SORCS1: variants seen among roughly 807,000 people sequenced by gnomAD.
SORCS1 encodes the protein sortilin related VPS10 domain containing receptor 1.
SORCS1 carries 60 observed loss-of-function variants against 146.1 expected under a neutral mutation model. That is an observed-to-expected ratio of 0.41 (90% CI 0.33 to 0.51). SORCS1 has a LOEUF of 0.51. Among genes scored for constraint, SORCS1 ranks in the 20% least tolerant of loss-of-function variants. The pLI, the probability that SORCS1 is intolerant of heterozygous loss-of-function variation, is 0.21. For missense variants in SORCS1, 1,352 were observed against 1,487.6 expected (o/e 0.91, Z 1.50); for synonymous variants, 637 against 584.0 (o/e 1.09, Z -1.31).
At chr10:106,882,668 CACACACACACAT>C (rs1415929050) in intron 2 of SORCS1, among the ~76,000 whole-genome samples, 2 of 152,102 alleles carry the variant, frequency 1.3e-5, no homozygotes, top group Non-Finnish European at 2.9e-5. Context: ...CACTCACACT[CACACACACACAT>C]ACACACACAA....
chr10:107,023,442 C>A (rs1958244338), intron 1 of SORCS1, among the ~76,000 whole-genome samples: 1 of 152,146 alleles, frequency 6.6e-6, no homozygotes, highest in Non-Finnish European at 1.5e-5. Context: ...TCAATATATA[C>A]CCTTATTTTT....
intron 1 of SORCS1, among the ~76,000 whole-genome samples, chr10:106,964,043 G>T (rs531393346): frequency 6.6e-6 from 1 of 152,326 alleles, no homozygotes; most frequent in South Asian, 2.1e-4. Context: ...GAAGATGAGT[G>T]TGATTCTGAT....
intron 3 of SORCS1, among the ~76,000 whole-genome samples, chr10:106,811,776 G>T (rs565619099): frequency 6.6e-6 from 1 of 152,260 alleles, no homozygotes; most frequent in Non-Finnish European, 1.5e-5. Context: ...TAACTCCCAG[G>T]CACCCTTGGG....
At chr10:106,868,351 T>C (rs1351337849) in intron 2 of SORCS1, among the ~76,000 whole-genome samples, 1 of 152,176 alleles carries the variant, frequency 6.6e-6, no homozygotes, top group African/African-American at 2.4e-5. Flanking sequence ...ATCAATCTGA[T>C]AGACCTCTAC....
chr10:106,584,917 T>A (rs1424288518), intron 24 of SORCS1, among the ~76,000 whole-genome samples: 2 of 151,922 alleles, frequency 1.3e-5, no homozygotes, highest in African/African-American at 4.8e-5. Context: ...TGACTTATGG[T>A]TTTCTAAGGT....
At chr10:107,076,249 A>G (rs1463112732) in intron 1 of SORCS1, among the ~76,000 whole-genome samples, 2 of 152,128 alleles carry the variant, frequency 1.3e-5, no homozygotes, top group African/African-American at 4.8e-5. Flanking sequence ...TAAACTTAGT[A>G]CTATAGCCTT....
intron 2 of SORCS1, among the ~76,000 whole-genome samples, chr10:106,943,715 C>A (rs1954169217): frequency 6.6e-6 from 1 of 151,950 alleles, no homozygotes; most frequent in Non-Finnish European, 1.5e-5. Context: ...GAGGCTGAGG[C>A]AGGAGAATGG....
chr10:106,804,913 T>C lies in SORCS1; in HGVS notation c.726+24661A>G, dbSNP rs7085936. Among the ~76,000 whole-genome samples the C allele has an allele frequency of 6.1e-3, 935 of 152,320 alleles. 9 individuals are homozygous for C. Among genetic ancestry groups the C allele is most frequent in the African/African-American group, 0.021 (891 of 41,564 alleles). On this transcript the variant is annotated intron_variant, in intron 3 of 25. Transcript: ENST00000263054. The stretch of plus-strand genomic sequence containing the variant: ...AATGGTATTCATTTATATTTACTTT[T>C]GCAAACTAGCTCCTGGTTATTCAGT...
chr10:107,071,212 G>C (rs1413321120), intron 1 of SORCS1, among the ~76,000 whole-genome samples: 1 of 150,868 alleles, frequency 6.6e-6, no homozygotes, highest in East Asian at 1.9e-4. Flanking sequence ...AAAAAAAAAT[G>C]CTGGTATTTT....
intron 2 of SORCS1, among the ~76,000 whole-genome samples, chr10:106,881,854 A>G (rs1950814497): frequency 6.6e-6 from 1 of 152,178 alleles, no homozygotes; most frequent in Non-Finnish European, 1.5e-5. Context: ...TTCAACCAAC[A>G]TGTACTGAAC....
chr10:106,615,777 G>C (rs1171634006), intron 21 of SORCS1, among the ~76,000 whole-genome samples: 1 of 152,166 alleles, frequency 6.6e-6, no homozygotes, highest in Non-Finnish European at 1.5e-5. Flanking sequence ...AGAGACATAT[G>C]ATAACCTATT....
chr10:106,645,445 G>A (rs574102539), intron 18 of SORCS1, among the ~76,000 whole-genome samples: 2 of 152,014 alleles, frequency 1.3e-5, no homozygotes, highest in Non-Finnish European at 2.9e-5. Context: ...TGCCCACCTT[G>A]GCCTCCCAAA....
intron 1 of SORCS1, among the ~76,000 whole-genome samples, chr10:106,958,543 G>A (rs1326189638): frequency 3.3e-5 from 5 of 152,106 alleles, no homozygotes; most frequent in African/African-American, 1.2e-4. Flanking sequence ...CCTGACCTTA[G>A]GTTTGTTCTG....
intron 1 of SORCS1, among the ~76,000 whole-genome samples, chr10:107,149,402 C>T (rs947149850): frequency 5.3e-5 from 8 of 152,120 alleles, no homozygotes; most frequent in Non-Finnish European, 8.8e-5. Context: ...TTTAATCATA[C>T]GTGGTAACCA....
chr10:107,159,871 T>C (rs900700322), intron 1 of SORCS1, among the ~76,000 whole-genome samples: 6 of 151,842 alleles, frequency 4.0e-5, no homozygotes, highest in Admixed American at 1.3e-4. Flanking sequence ...TCAAAATGTA[T>C]AGCCAAGTCA....
At chr10:106,832,275 G>A (rs530801572) in intron 2 of SORCS1, among the ~76,000 whole-genome samples, 20 of 145,354 alleles carry the variant, frequency 1.4e-4, no homozygotes, top group Non-Finnish European at 2.8e-4. Context: ...CGCAACTTCC[G>A]CCTTCTGGGT....
chr10:106,997,533 A>T (rs1187718223), intron 1 of SORCS1, among the ~76,000 whole-genome samples: 1 of 152,188 alleles, frequency 6.6e-6, no homozygotes, highest in Non-Finnish European at 1.5e-5. Flanking sequence ...TAAGCATGTT[A>T]CACTCATCCA....
At chr10:106,651,178 C>T (rs1473622099) in intron 18 of SORCS1, among the ~76,000 whole-genome samples, 1 of 152,142 alleles carries the variant, frequency 6.6e-6, no homozygotes, top group African/African-American at 2.4e-5. Context: ...ATATGCACAT[C>T]GTTTGAGCTA....
intron 6 of SORCS1, among the ~76,000 whole-genome samples, chr10:106,716,380 C>T (rs981260312): frequency 1.3e-5 from 2 of 152,154 alleles, no homozygotes; most frequent in Non-Finnish European, 2.9e-5. Flanking sequence ...TATTTCTTTA[C>T]ATAATGAGAG....
Sources: gnomAD v4.1 joint callset for allele counts (sites outside exome capture counted in the v4.1 genomes callset) on GRCh38, gnomAD v4.1.1 for gene constraint, MANE v1.5 for transcripts, NCBI Gene and HGNC (gene_info 2026-07-23, HGNC 2026-07-21) for gene names.